Variants in MAGI2 observed in about 807,000 individuals in gnomAD.
MAGI2 encodes the protein membrane-associated guanylate kinase, WW and PDZ domain-containing protein 2.
A neutral mutation model predicts 133.3 loss-of-function variants in MAGI2; 35 were observed. The ratio of observed to expected loss-of-function variants is 0.26; its 90% CI spans 0.20 to 0.35. The LOEUF is 0.35. Among genes scored for constraint, MAGI2 ranks in the 10% least tolerant of loss-of-function variants. The probability of loss-of-function intolerance (pLI) is 1.00; values close to 1 mark genes in which losing one functional copy is unlikely to be tolerated. For missense variants in MAGI2, 1,636 were observed against 1,863.4 expected (o/e 0.88, Z 2.25); for synonymous variants, 729 against 710.6 (o/e 1.03, Z -0.41).
chr7:78,995,402 TTAGA>T (rs970508445), intron 2 of MAGI2, among the ~76,000 whole-genome samples: 1 of 152,140 alleles, frequency 6.6e-6, no homozygotes, highest in African/African-American at 2.4e-5. Flanking sequence ...TTTTCTCCCA[TTAGA>T]TATATTACAA....
At chr7:78,131,624 G>A (rs372586623) in intron 18 of MAGI2, among the ~76,000 whole-genome samples, 6 of 152,128 alleles carry the variant, frequency 3.9e-5, no homozygotes, top group South Asian at 2.1e-4. Flanking sequence ...TGTTTCCCAC[G>A]GAAAGCGAGA....
At chr7:78,669,503 C>A (rs1293505854) in intron 2 of MAGI2, among the ~76,000 whole-genome samples, 3 of 152,140 alleles carry the variant, frequency 2.0e-5, no homozygotes, top group Non-Finnish European at 4.4e-5. Context: ...CAAGGAGGAG[C>A]TGGTACCATT....
In MAGI2 at chr7:79,334,198, C is replaced by T. The variant is rs550185774; in HGVS notation, c.301+118822G>A. On this transcript the variant is annotated intron_variant, in intron 1 of 21. Coordinates refer to ENST00000354212, the MANE Select transcript of MAGI2 (RefSeq NM_012301.4). ...CTTATGTAACGTTAGTGTTCCATTT[C>T]CTTATCCATAATACAGAATTAATAC... Among the ~76,000 whole-genome samples the T allele has an allele frequency of 1.1e-4, 16 of 152,192 alleles. 1 individual carries two copies. The highest frequency in any genetic ancestry group is 9.2e-4 in the Admixed American group (14 of 15,280).
At chr7:79,169,683 G>T (rs1484144404) in intron 1 of MAGI2, among the ~76,000 whole-genome samples, 1 of 151,652 alleles carries the variant, frequency 6.6e-6, no homozygotes, top group Admixed American at 6.6e-5. Flanking sequence ...AAAAAAAAAT[G>T]TACATGGGTA....
chr7:79,428,001 G>A (rs536730115), intron 1 of MAGI2, among the ~76,000 whole-genome samples: 3 of 152,238 alleles, frequency 2.0e-5, no homozygotes, highest in African/African-American at 7.2e-5. Flanking sequence ...AAAGAGAAGA[G>A]ACAGCATGAA....
At chr7:78,887,069 C>A (rs1796331793) in intron 2 of MAGI2, among the ~76,000 whole-genome samples, 1 of 152,114 alleles carries the variant, frequency 6.6e-6, no homozygotes. Context: ...TTTCGTGAGG[C>A]CTCCCCAGCC....
chr7:79,096,195 A>AAATGGGAAGTAGGCATTTAATTGGG (rs1481802755), intron 1 of MAGI2, among the ~76,000 whole-genome samples: 2 of 152,168 alleles, frequency 1.3e-5, no homozygotes, highest in African/African-American at 4.8e-5. Context: ...AGCTTCAATT[A>AAATGGGAAGTAGGCATTTAATTGGG]AATTAGACCA....
chr7:78,457,781 T>C (rs913174462), intron 6 of MAGI2, among the ~76,000 whole-genome samples: 5 of 152,196 alleles, frequency 3.3e-5, no homozygotes, highest in Admixed American at 1.3e-4. Context: ...TGATGTAAAT[T>C]GTCCCAGGGC....
chr7:78,924,917 T>C (rs1243056403), intron 2 of MAGI2, among the ~76,000 whole-genome samples: 1 of 151,770 alleles, frequency 6.6e-6, no homozygotes, highest in South Asian at 2.1e-4. Flanking sequence ...TCCCCTACTT[T>C]TACTTCGAGG....
chr7:79,391,007 G>T (rs1358802625), intron 1 of MAGI2, among the ~76,000 whole-genome samples: 1 of 152,092 alleles, frequency 6.6e-6, no homozygotes, highest in Non-Finnish European at 1.5e-5. Flanking sequence ...TGAGAGTGAG[G>T]AAAGCGTGGA....
At position 79,216,981 on chromosome 7, in the gene MAGI2, ATTG is replaced by A. The variant is rs1302642730; in HGVS notation, c.302-209778_302-209776del. On this transcript the variant is annotated intron_variant, in intron 1 of 21. Transcript: ENST00000354212. ...CCAATATTCATTTGTTAGAAACATCATTGTTAATTGACAAATAAAAGCACGTGA... is the reference window on the plus strand; with the variant it reads ...CCAATATTCATTTGTTAGAAACATCATTAATTGACAAATAAAAGCACGTGA... 5.9e-5 allele frequency among the ~76,000 whole-genome samples: 9 copies of A among 152,110 alleles called. 1 individual carries two copies. The highest frequency in any genetic ancestry group is 4.1e-4 in the South Asian group (2 of 4,832).
chr7:78,703,688 T>C (rs1818305057), intron 2 of MAGI2, among the ~76,000 whole-genome samples: 1 of 152,088 alleles, frequency 6.6e-6, no homozygotes, highest in Admixed American at 6.6e-5. Flanking sequence ...TTTCTGATGC[T>C]ATTTTTAAAA....
Position 78,791,778 on chromosome 7 carries a change from G to C in MAGI2, c.419-164539C>G, listed in dbSNP as rs942189492. On this transcript the variant is annotated intron_variant, in intron 2 of 21. Coordinates refer to ENST00000354212, the MANE Select transcript of MAGI2 (RefSeq NM_012301.4). Reference sequence around the variant, plus strand: ...TTGGACAGGCTGGTCTCGAACTCCTGACCTCAAGTGATCCACCAGTGTCAG... The same window carrying C: ...TTGGACAGGCTGGTCTCGAACTCCTCACCTCAAGTGATCCACCAGTGTCAG... Among the ~76,000 whole-genome samples the C allele has an allele frequency of 3.3e-5, 5 of 152,138 alleles. No individual in the cohort carries two copies. In the East Asian group the frequency reaches 5.8e-4, roughly 18 times the overall value.
intron 2 of MAGI2, among the ~76,000 whole-genome samples, chr7:78,863,308 T>C (rs754190281): frequency 6.6e-6 from 1 of 152,228 alleles, no homozygotes; most frequent in Non-Finnish European, 1.5e-5. Flanking sequence ...GGAGTTTATT[T>C]AGCTTATGAC....
intron 2 of MAGI2, among the ~76,000 whole-genome samples, chr7:78,762,713 G>A (rs2151302795): frequency 6.6e-6 from 1 of 152,294 alleles, no homozygotes; most frequent in African/African-American, 2.4e-5. Flanking sequence ...ATTGTAACTA[G>A]AAAAGCATAA....
intron 2 of MAGI2, among the ~76,000 whole-genome samples, chr7:78,854,536 T>C (rs1793455840): frequency 6.6e-6 from 1 of 152,086 alleles, no homozygotes; most frequent in South Asian, 2.1e-4. Context: ...AAGTAGAAAA[T>C]GTTGAGTGTT....
intron 1 of MAGI2, chr7:79,410,034 CAT>C (rs1016042461): frequency 3.3e-5 from 5 of 151,932 alleles, no homozygotes; most frequent in Non-Finnish European, 7.4e-5. Flanking sequence ...AATAGAAACA[CAT>C]ATAGGAATTC....
At chr7:78,889,424 T>C (rs900480153) in intron 2 of MAGI2, among the ~76,000 whole-genome samples, 2 of 152,100 alleles carry the variant, frequency 1.3e-5, no homozygotes, top group African/African-American at 4.8e-5. Context: ...AGACACATAA[T>C]TGTCAGATTC....
rs138596561 is a variant in MAGI2 at position 78,481,409 on chromosome 7, A to G, written c.1045+8352T>C. Among the ~76,000 whole-genome samples the G allele has an allele frequency of 3.2e-3, 492 of 152,098 alleles. 3 individuals carry two copies. The highest frequency in any genetic ancestry group is 0.011 in the African/African-American group (466 of 41,558). On this transcript the variant is annotated intron_variant, in intron 6 of 21. Transcript: ENST00000354212. ...AGAACAGCATGGGGCAAACTGCCCC[A>G]TAATTCAGTCATTTCCCTCTCTTGA...
Sources: allele counts gnomAD v4.1 joint callset (sites outside exome capture counted in the v4.1 genomes callset), GRCh38; gene constraint gnomAD v4.1.1; transcripts MANE v1.5; gene names NCBI Gene and HGNC (gene_info 2026-07-23, HGNC 2026-07-21).